The following AFF2 variants were observed in gnomAD, a reference collection of about 807,000 sequenced individuals.
AFF2 encodes the protein ALF transcription elongation factor 2, also known as AF4/FMR2 family member 2.
Under a neutral mutation model 76.9 loss-of-function variants are expected in AFF2, and 14 were observed. The observed-to-expected ratio is 0.18, with a 90% CI of 0.12 to 0.28. AFF2 has a LOEUF of 0.28. AFF2 is among the 10% of genes least tolerant of loss of function. AFF2 has a pLI of 1.00. For missense variants in AFF2, 868 were observed against 1,001.1 expected, an observed-to-expected ratio of 0.87 and a Z score of 1.79; for synonymous variants, 398 against 366.7, an observed-to-expected ratio of 1.09 and a Z score of -0.98.
At chrX:148,805,188 C>T (rs942765787) in intron 3 of AFF2, among the ~76,000 whole-genome samples, 136 of 111,414 alleles carry the variant, frequency 1.2e-3, no homozygotes, top group African/African-American at 3.8e-3. Flanking sequence ...GTTTGGAAGC[C>T]GCCATCAGTG....
intron 14 of AFF2, 67 bp from the exon 15 acceptor site, chrX:148,967,562 G>A (rs1440667100): frequency 3.7e-5 from 37 of 997,946 alleles, no homozygotes; most frequent in Non-Finnish European, 5.1e-5. Context: ...GAAAAGGTTT[G>A]ATGATTCAGT....
chrX:148,975,720 G>A (rs376240723), intron 16 of AFF2, among the ~76,000 whole-genome samples: 31 of 107,370 alleles, frequency 2.9e-4, no homozygotes, highest in African/African-American at 9.6e-4. Flanking sequence ...CGAGGCGGGC[G>A]GATCACGAGG....
In AFF2 at chrX:148,553,601, T is replaced by C. The variant is rs1407590045; in HGVS notation, c.47+52457T>C. 5.4e-5 allele frequency among the ~76,000 whole-genome samples: 6 copies of C among 111,723 alleles called. No individual in the cohort carries two copies. In the East Asian group the frequency reaches 1.7e-3, roughly 32 times the overall value. On this transcript the variant is annotated intron_variant, in intron 1 of 20. Coordinates refer to ENST00000370460, the MANE Select transcript of AFF2 (RefSeq NM_002025.4). The stretch of plus-strand genomic sequence containing the variant: ...TACAGGCTTCTGGAACAGAGAGCTG[T>C]CCTTGGGTTTCACTTCCCAGTGACT...
chrX:148,868,088 GT>G (rs1196007885), intron 7 of AFF2, among the ~76,000 whole-genome samples: 2 of 111,409 alleles, frequency 1.8e-5, no homozygotes, highest in Non-Finnish European at 3.8e-5. Context: ...GGTACAGTCA[GT>G]CCCAAGCAGC....
At chrX:148,932,849 C>A (rs1481850842) in intron 9 of AFF2, among the ~76,000 whole-genome samples, 1 of 112,307 alleles carries the variant, frequency 8.9e-6, no homozygotes, top group African/African-American at 3.2e-5. Flanking sequence ...TCATTAAATG[C>A]CTACTAGTTC....
intron 1 of AFF2, among the ~76,000 whole-genome samples, chrX:148,517,874 T>A (rs1199131401): frequency 1.1e-5 from 1 of 93,661 alleles, no homozygotes; most frequent in African/African-American, 3.8e-5. Context: ...AAAAAAAAAA[T>A]GAGCCAGGCA....
At chrX:148,939,113 C>T (rs1170856540) in intron 9 of AFF2, among the ~76,000 whole-genome samples, 1 of 111,369 alleles carries the variant, frequency 9.0e-6, no homozygotes, top group Non-Finnish European at 1.9e-5. Context: ...AGGAGGAAGA[C>T]AAGAAAGAGG....
chrX:148,512,761 A>G (rs781789939), intron 1 of AFF2, among the ~76,000 whole-genome samples: 4 of 112,634 alleles, frequency 3.6e-5, no homozygotes, highest in Non-Finnish European at 7.5e-5. Context: ...CACCCAGGAT[A>G]AATGACATGC....
chrX:148,657,790 T>A lies in AFF2; in HGVS notation c.181-4118T>A, dbSNP rs368895279. 1.3e-4 allele frequency among the ~76,000 whole-genome samples: 15 copies of A among 112,392 alleles called. No individual in the cohort carries two copies. In the East Asian group the frequency reaches 2.2e-3, roughly 17 times the overall value. ...AGCCAAATTGAAAGAAGCATATAATTGATTGAAATGGCTGAATTTCATTTT... is the reference window on the plus strand; with the variant it reads ...AGCCAAATTGAAAGAAGCATATAATAGATTGAAATGGCTGAATTTCATTTT... On this transcript the variant is annotated intron_variant, in intron 2 of 20. Coordinates refer to ENST00000370460, the MANE Select transcript of AFF2 (RefSeq NM_002025.4).
intron 1 of AFF2, among the ~76,000 whole-genome samples, chrX:148,581,171 A>ACACATATACATATACG (rs1370926515): frequency 9.4e-5 from 6 of 63,744 alleles, no homozygotes; most frequent in Admixed American, 6.5e-4. Context: ...ACACACATAC[A>ACACATATACATATACG]TATACGTATA....
chrX:148,815,651 T>C (rs1167150071), intron 4 of AFF2, among the ~76,000 whole-genome samples: 5 of 111,138 alleles, frequency 4.5e-5, no homozygotes, highest in Admixed American at 1.9e-4. Flanking sequence ...GCAGCTAATA[T>C]ATGAGGTGAA....
intron 3 of AFF2, among the ~76,000 whole-genome samples, chrX:148,699,982 A>G (rs782561821): frequency 1.8e-5 from 2 of 112,009 alleles, no homozygotes; most frequent in East Asian, 5.6e-4. Context: ...TGAAGGTTAC[A>G]TATCGTTTTA....
intron 3 of AFF2, among the ~76,000 whole-genome samples, chrX:148,726,273 G>A (rs1264688408): frequency 2.7e-5 from 3 of 111,799 alleles, no homozygotes; most frequent in Non-Finnish European, 3.8e-5. Flanking sequence ...GAGACTTAGC[G>A]TCCAAGGTTT....
intron 1 of AFF2, among the ~76,000 whole-genome samples, chrX:148,603,923 A>G (rs1557248443): frequency 9.1e-6 from 1 of 109,829 alleles, no homozygotes; most frequent in African/African-American, 3.3e-5. Flanking sequence ...TCCCTCGTGC[A>G]CTTTGTAATT....
At chrX:148,882,914 A>C (rs1302431217) in intron 7 of AFF2, among the ~76,000 whole-genome samples, 1 of 111,901 alleles carries the variant, frequency 8.9e-6, no homozygotes, top group African/African-American at 3.3e-5. Flanking sequence ...ACTTGTGTTT[A>C]CTGGGACTTA....
At chrX:148,741,217 C>T (rs1253834179) in intron 3 of AFF2, among the ~76,000 whole-genome samples, 1 of 111,368 alleles carries the variant, frequency 9.0e-6, no homozygotes, top group Non-Finnish European at 1.9e-5. Flanking sequence ...ATTAAATGCC[C>T]TTTGTCTTCC....
At chrX:148,989,110 T>G (rs1407010930) in intron 20 of AFF2, among the ~76,000 whole-genome samples, 1 of 112,309 alleles carries the variant, frequency 8.9e-6, no homozygotes, top group Non-Finnish European at 1.9e-5. Flanking sequence ...TCTACACCTC[T>G]GGAAACTCAG....
intron 13 of AFF2, among the ~76,000 whole-genome samples, chrX:148,965,763 C>A (rs1057284195): frequency 8.9e-6 from 1 of 112,129 alleles, no homozygotes; most frequent in Admixed American, 9.5e-5. Context: ...TGTTACCTAC[C>A]TACTGTTGAA....
intron 3 of AFF2, among the ~76,000 whole-genome samples, chrX:148,779,406 C>T (rs188474920): frequency 2.6e-3 from 291 of 111,563 alleles, no homozygotes; most frequent in Non-Finnish European, 4.6e-3. Flanking sequence ...CTTGTTAATT[C>T]TCTGTCTCAT....
Sources: allele counts gnomAD v4.1 joint callset (sites outside exome capture counted in the v4.1 genomes callset), GRCh38; gene constraint gnomAD v4.1.1; transcripts MANE v1.5; gene names NCBI Gene and HGNC (gene_info 2026-07-23, HGNC 2026-07-21).